LY96: variants seen among roughly 807,000 people sequenced by gnomAD.
LY96 encodes myeloid differentiation protein-2.
In LY96, 18 loss-of-function variants were observed where a neutral mutation model predicts 18.9. The observed-to-expected ratio is 0.95, with a 90% CI of 0.66 to 1.41. LY96 has a LOEUF of 1.41. Ranked by LOEUF, LY96 falls within the 40% of genes most tolerant of loss-of-function variation. The pLI is 0.00. For missense variants in LY96, 175 were observed against 182.4 expected (o/e 0.96, Z 0.23); for synonymous variants, 66 against 62.6 (o/e 1.06, Z -0.26).
chr8:74,025,968 A>G (rs1352692604), intron 3 of LY96, among the ~76,000 whole-genome samples: 1 of 152,186 alleles, frequency 6.6e-6, no homozygotes, highest in Non-Finnish European at 1.5e-5. Flanking sequence ...AGATCACGCC[A>G]TTGTACTCCG....
the LY96 span, among the ~76,000 whole-genome samples, chr8:74,050,306 G>C: frequency 9.2e-5 from 14 of 151,972 alleles, no homozygotes; most frequent in Non-Finnish European, 2.9e-5. Context: ...TAGCACCACT[G>C]TACTTCAGCC....
At chr8:74,035,385 C>T in the LY96 span, among the ~76,000 whole-genome samples, 13 of 152,118 alleles carry the variant, frequency 8.5e-5, no homozygotes, top group South Asian at 2.1e-4. Flanking sequence ...GCAGCCACGC[C>T]GCCCTGGCAA....
chr8:74,060,132 G>A, the LY96 span, among the ~76,000 whole-genome samples: 1 of 152,148 alleles, frequency 6.6e-6, no homozygotes, highest in Non-Finnish European at 1.5e-5. Context: ...GGGAGGGAGA[G>A]CCAGACCTTG....
At chr8:74,086,194 G>A in the LY96 span, among the ~76,000 whole-genome samples, 73 of 152,160 alleles carry the variant, frequency 4.8e-4, no homozygotes, top group East Asian at 7.7e-4. Flanking sequence ...TCACTCAATC[G>A]GAGTCATTCC....
intron 2 of LY96, among the ~76,000 whole-genome samples, chr8:74,007,493 A>C (rs375781658): frequency 1.3e-5 from 2 of 152,364 alleles, no homozygotes; most frequent in East Asian, 3.9e-4. Context: ...GGCCACATTC[A>C]TGGAAATCAA....
At chr8:74,067,165 A>G in the LY96 span, among the ~76,000 whole-genome samples, 1 of 152,184 alleles carries the variant, frequency 6.6e-6, no homozygotes, top group African/African-American at 2.4e-5. Flanking sequence ...TATCATAGGT[A>G]TGTGTGCATG....
At chr8:74,084,727 C>T in the LY96 span, among the ~76,000 whole-genome samples, 846 of 152,252 alleles carry the variant, frequency 5.6e-3, 8 homozygotes, top group African/African-American at 0.019. Context: ...GATTCTCCTG[C>T]CTCAGCCTCC....
chr8:74,090,582 T>C, the LY96 span, among the ~76,000 whole-genome samples: 18 of 152,372 alleles, frequency 1.2e-4, no homozygotes, highest in African/African-American at 4.1e-4. Context: ...GTCTCAACCC[T>C]ACATAGCATG....
the LY96 span, among the ~76,000 whole-genome samples, chr8:74,038,582 G>T: frequency 6.6e-6 from 1 of 152,026 alleles, no homozygotes; most frequent in African/African-American, 2.4e-5. Context: ...ACAGAGATGG[G>T]GTCTTACTAT....
chr8:74,086,757 C>A, the LY96 span, among the ~76,000 whole-genome samples: 2 of 152,186 alleles, frequency 1.3e-5, no homozygotes, highest in Admixed American at 6.5e-5. Context: ...CACAGCCCTG[C>A]CGAATGGGAT....
the LY96 span, among the ~76,000 whole-genome samples, chr8:74,081,034 CTTTCTTTCT>C: frequency 1.9e-4 from 23 of 118,514 alleles, no homozygotes; most frequent in African/African-American, 9.1e-4. Flanking sequence ...TTCTTTCTTT[CTTTCTTTCT>C]TTCTTTTTCT....
chr8:74,060,217 A>G, the LY96 span, among the ~76,000 whole-genome samples: 20 of 152,248 alleles, frequency 1.3e-4, no homozygotes, highest in Admixed American at 2.0e-4. Context: ...CAAAAGAAAA[A>G]AATACCATTA....
downstream of LY96, among the ~76,000 whole-genome samples, chr8:74,029,816 C>T (rs1377328277): frequency 2.6e-5 from 4 of 152,294 alleles, no homozygotes; most frequent in South Asian, 8.3e-4. Flanking sequence ...CCTGCCATCA[C>T]ACCTGGCTAA....
chr8:74,005,110 T>C (rs536668938), intron 2 of LY96, among the ~76,000 whole-genome samples: 4 of 152,228 alleles, frequency 2.6e-5, no homozygotes, highest in Admixed American at 6.5e-5. Flanking sequence ...CCCATAAGGC[T>C]ACAATCAAGG....
At chr8:74,037,879 T>G in the LY96 span, among the ~76,000 whole-genome samples, 211 of 152,302 alleles carry the variant, frequency 1.4e-3, 3 homozygotes, top group East Asian at 0.026. Context: ...CTCCTACCAT[T>G]CCCTTCTGAG....
At chr8:74,065,931 C>A in the LY96 span, among the ~76,000 whole-genome samples, 1 of 152,198 alleles carries the variant, frequency 6.6e-6, no homozygotes, top group South Asian at 2.1e-4. Context: ...ACAAGTTATA[C>A]ATGGCATACT....
chr8:73,998,692 A>C (rs1586646617), intron 1 of LY96, among the ~76,000 whole-genome samples: 4 of 100,806 alleles, frequency 4.0e-5, no homozygotes, highest in South Asian at 6.0e-4. Context: ...CTTCTCTCTC[A>C]AAAAAAAGGA....
At chr8:74,026,376 G>T (rs764717922) in intron 3 of LY96, among the ~76,000 whole-genome samples, 1 of 152,212 alleles carries the variant, frequency 6.6e-6, no homozygotes, top group Non-Finnish European at 1.5e-5. Flanking sequence ...AGGAGCTTCA[G>T]TATTCTGGCT....
the LY96 span, among the ~76,000 whole-genome samples, chr8:74,092,956 T>C: frequency 6.6e-6 from 1 of 152,342 alleles, no homozygotes; most frequent in East Asian, 1.9e-4. Context: ...TTTGATTTGA[T>C]TGTTTTTCTT....
Sources: gnomAD v4.1 joint callset for allele counts (sites outside exome capture counted in the v4.1 genomes callset) on GRCh38, gnomAD v4.1.1 for gene constraint, MANE v1.5 for transcripts, NCBI Gene and HGNC (gene_info 2026-07-23, HGNC 2026-07-21) for gene names.